The following SLC22A3 variants were observed in gnomAD, a reference collection of about 807,000 sequenced individuals.
SLC22A3 encodes the protein EMT organic cation transporter 3.
Under a neutral mutation model 59.1 loss-of-function variants are expected in SLC22A3, and 51 were observed. That is an observed-to-expected ratio of 0.86 (90% CI 0.69 to 1.09). The LOEUF (loss-of-function observed/expected upper bound fraction) is 1.09, where lower values mean the gene tolerates loss of function less well. Ranked by LOEUF, SLC22A3 falls within the 50% of genes least tolerant of loss-of-function variation. The pLI is 0.00. For synonymous variants in SLC22A3, 325 were observed against 292.0 expected (o/e 1.11, Z -1.15); for missense variants, 711 against 726.3 (o/e 0.98, Z 0.24).
intron 5 of SLC22A3, among the ~76,000 whole-genome samples, chr6:160,424,236 C>G (rs1296918686): frequency 6.6e-6 from 1 of 152,106 alleles, no homozygotes; most frequent in Non-Finnish European, 1.5e-5. Context: ...CAAGCCTTGT[C>G]TGTTGAATGA....
At chr6:160,348,943 G>A (rs981725050) in intron 1 of SLC22A3, 95 bp downstream of exon 1, 2 of 1,530,148 alleles carry the variant, frequency 1.3e-6, no homozygotes, top group Admixed American at 3.9e-5. Context: ...CGCCAGGGGA[G>A]GTCGGTGGAG....
chr6:160,418,055 G>C (rs953626444), intron 5 of SLC22A3, among the ~76,000 whole-genome samples: 3 of 152,168 alleles, frequency 2.0e-5, no homozygotes, highest in Non-Finnish European at 4.4e-5. Flanking sequence ...TGGATTGAAG[G>C]ATGCCTAGAT....
At chr6:160,349,466 T>C (rs1470618951) in intron 1 of SLC22A3, among the ~76,000 whole-genome samples, 2 of 137,876 alleles carry the variant, frequency 1.5e-5, no homozygotes, top group Non-Finnish European at 3.2e-5. Flanking sequence ...AACTGAAGTA[T>C]TGGATAAATT....
intron 5 of SLC22A3, among the ~76,000 whole-genome samples, chr6:160,422,821 A>G (rs958684201): frequency 6.6e-6 from 1 of 151,794 alleles, no homozygotes; most frequent in Non-Finnish European, 1.5e-5. Flanking sequence ...CAGCAAAACT[A>G]TGTCACCTTC....
chr6:160,359,168 GT>G (rs1254670653), intron 1 of SLC22A3, among the ~76,000 whole-genome samples: 1 of 152,188 alleles, frequency 6.6e-6, no homozygotes, highest in Non-Finnish European at 1.5e-5. Context: ...GTTTGCTTGT[GT>G]TGCTGTGAGA....
chr6:160,402,371 C>T (rs1278232382), intron 2 of SLC22A3, among the ~76,000 whole-genome samples: 1 of 151,660 alleles, frequency 6.6e-6, no homozygotes, highest in African/African-American at 2.4e-5. Context: ...AGTAGCAGAG[C>T]ACAAAATTAT....
intron 1 of SLC22A3, among the ~76,000 whole-genome samples, chr6:160,365,578 G>T (rs1339228464): frequency 6.6e-6 from 1 of 152,126 alleles, no homozygotes; most frequent in Non-Finnish European, 1.5e-5. Flanking sequence ...TCTAGAAGGA[G>T]GCTTGTATTA....
chr6:160,422,327 G>A (rs369253857), intron 5 of SLC22A3, among the ~76,000 whole-genome samples: 3 of 152,200 alleles, frequency 2.0e-5, no homozygotes, highest in Admixed American at 2.0e-4. Flanking sequence ...ATCTCTTGAG[G>A]TCCCATCCAG....
intron 1 of SLC22A3, among the ~76,000 whole-genome samples, chr6:160,378,828 T>C (rs971964357): frequency 7.9e-5 from 12 of 152,224 alleles, no homozygotes; most frequent in African/African-American, 2.9e-4. Context: ...ATGTAATTTA[T>C]TGGATATAGT....
intron 1 of SLC22A3, among the ~76,000 whole-genome samples, chr6:160,392,854 G>A (rs781465889): frequency 1.6e-4 from 24 of 152,058 alleles, no homozygotes; most frequent in Non-Finnish European, 3.5e-4. Context: ...AGTGCAAAAT[G>A]TAGCCAGGAG....
At chr6:160,406,936 T>C (rs1324479851) in intron 2 of SLC22A3, 105 bp from the exon 3 acceptor site, 8 of 1,293,036 alleles carry the variant, frequency 6.2e-6, no homozygotes, top group Non-Finnish European at 8.5e-6. Context: ...AATGATATAA[T>C]GTAATACAGT....
chr6:160,354,921 T>G (rs1480628257), intron 1 of SLC22A3, among the ~76,000 whole-genome samples: 1 of 152,104 alleles, frequency 6.6e-6, no homozygotes, highest in African/African-American at 2.4e-5. Context: ...TCCTGGTCAG[T>G]GATGTTGGGG....
intron 5 of SLC22A3, among the ~76,000 whole-genome samples, chr6:160,425,049 G>C (rs1787896598): frequency 6.6e-6 from 1 of 152,124 alleles, no homozygotes; most frequent in Non-Finnish European, 1.5e-5. Flanking sequence ...CAGGGGACAG[G>C]TTTTTGATGT....
At chr6:160,428,409 C>T (rs867363484) in intron 5 of SLC22A3, among the ~76,000 whole-genome samples, 4 of 152,206 alleles carry the variant, frequency 2.6e-5, no homozygotes, top group South Asian at 4.1e-4. Context: ...CAGTGCAGCA[C>T]GGTAGCTCCT....
Position 160,443,707 on chromosome 6 carries a change from C to T in SLC22A3, c.1475C>T (p.Ala492Val). 6.2e-7 allele frequency: 1 copy of T among 1,613,500 alleles called. No homozygotes were observed. The change falls in exon 9 of 11, where the codon GCA (alanine) becomes GTA (valine). Residue 492 changes from alanine (A) to valine (V), a missense_variant. Coordinates refer to ENST00000275300, the MANE Select transcript of SLC22A3 (RefSeq NM_021977.4). The part of the protein sequence containing the change: ...IIAPFLLFRL[A>V]AVWLELPLII... Reference sequence around the variant, plus strand: ...GCCCCATTTCTGCTCTTTCGGCTAGCAGCCGTGTGGCTAGAACTACCTCTG... The same window carrying T: ...GCCCCATTTCTGCTCTTTCGGCTAGTAGCCGTGTGGCTAGAACTACCTCTG...
rs1311132874 is a variant in SLC22A3 at position 160,407,104 on chromosome 6, G to A, written c.597G>A (p.Val199=). The A allele has an allele frequency of 1.2e-6, 2 of 1,612,024 alleles. No homozygotes were observed. Among genetic ancestry groups the A allele is most frequent in the Non-Finnish European group, 1.7e-6 (2 of 1,179,022 alleles). Residue 199 remains valine (V), a synonymous_variant, in exon 3 of 11, where the codon GTG becomes GTA. Transcript: ENST00000275300. ...CLGVGVTGVV[V]AFAPNFPVFV... is the part of the protein sequence containing the mutation. Reference sequence around the variant, plus strand: ...GTGTTGGCGTCACTGGGGTTGTGGTGGCCTTTGCACCAAACTTCCCTGTGT... The same window carrying A: ...GTGTTGGCGTCACTGGGGTTGTGGTAGCCTTTGCACCAAACTTCCCTGTGT...
At chr6:160,438,140 G>A (rs949863178) in intron 7 of SLC22A3, among the ~76,000 whole-genome samples, 1 of 152,150 alleles carries the variant, frequency 6.6e-6, no homozygotes, top group African/African-American at 2.4e-5. Flanking sequence ...AGATGTTGCA[G>A]AGTTAAATTT....
intron 1 of SLC22A3, among the ~76,000 whole-genome samples, chr6:160,394,850 G>T (rs1786408332): frequency 6.6e-6 from 1 of 152,194 alleles, no homozygotes; most frequent in African/African-American, 2.4e-5. Flanking sequence ...CATGTGGCCA[G>T]GCACACGGGG....
intron 5 of SLC22A3, chr6:160,425,749 C>T: frequency 1.1e-6 from 1 of 884,656 alleles, no homozygotes; most frequent in Middle Eastern, 5.8e-4. Context: ...GTAAGTACAG[C>T]TATTAATTAT....
Sources: allele counts gnomAD v4.1 joint callset (sites outside exome capture counted in the v4.1 genomes callset), GRCh38; gene constraint gnomAD v4.1.1; transcripts MANE v1.5; gene names NCBI Gene and HGNC (gene_info 2026-07-23, HGNC 2026-07-21).